AOPEP: variants seen among roughly 807,000 people sequenced by gnomAD.
AOPEP encodes the protein aminopeptidase O.
In AOPEP, 77 loss-of-function variants were observed where a neutral mutation model predicts 98.1. The ratio of observed to expected loss-of-function variants is 0.78; its 90% CI spans 0.65 to 0.95. The LOEUF (loss-of-function observed/expected upper bound fraction) is 0.95, where lower values mean the gene tolerates loss of function less well. Among genes scored for constraint, AOPEP ranks in the 40% least tolerant of loss-of-function variants. AOPEP has a pLI of 0.00. For synonymous variants in AOPEP, 346 were observed against 365.3 expected (o/e 0.95, Z 0.60); for missense variants, 1,024 against 1,024.7 (o/e 1.00, Z 0.01).
chr9:95,016,187 C>T (rs1411474322), intron 13 of AOPEP, among the ~76,000 whole-genome samples: 2 of 148,678 alleles, frequency 1.3e-5, no homozygotes, highest in African/African-American at 2.5e-5. Context: ...TAAAATGTTT[C>T]AGAATTGGGG....
intron 7 of AOPEP, among the ~76,000 whole-genome samples, chr9:94,937,251 G>A (rs2056409680): frequency 6.6e-6 from 1 of 152,224 alleles, no homozygotes; most frequent in Non-Finnish European, 1.5e-5. Context: ...TGAAGATCCA[G>A]AGGATTTTAG....
At chr9:94,927,420 C>T (rs996397213) in intron 6 of AOPEP, among the ~76,000 whole-genome samples, 1 of 152,232 alleles carries the variant, frequency 6.6e-6, no homozygotes, top group African/African-American at 2.4e-5. Context: ...CTTGCTCCCT[C>T]CCAGAATGGT....
Position 95,082,717 on chromosome 9 carries a change from G to T in AOPEP, c.*2G>T. 6.2e-7 allele frequency: 1 copy of T among 1,614,126 alleles called. No individual in the cohort carries two copies. Among genetic ancestry groups the T allele is most frequent in the Non-Finnish European group, 8.5e-7 (1 of 1,180,000 alleles). On this transcript the variant is annotated splice_region_variant and 3_prime_UTR_variant, in exon 16 of 17. Transcript: ENST00000375315. ...GTGGTGGCCGAAATGTTATTTTAAC[G>T]AGGTGATTCTCTCCCTTTCCTTTCT... is the stretch of plus-strand genomic sequence containing the variant.
At chr9:94,814,144 T>A (rs1166570374) in intron 5 of AOPEP, among the ~76,000 whole-genome samples, 1 of 152,218 alleles carries the variant, frequency 6.6e-6, no homozygotes. Context: ...ATTGTTAATA[T>A]AAGATTAATA....
chr9:95,101,597 C>T, the AOPEP span: 6 of 1,336,714 alleles, frequency 4.5e-6, no homozygotes, highest in South Asian at 1.2e-5. Context: ...ATTCTCACAG[C>T]CCAGCGAGGG....
intron 5 of AOPEP, among the ~76,000 whole-genome samples, chr9:94,901,521 G>A (rs1038630151): frequency 1.2e-4 from 18 of 151,846 alleles, no homozygotes; most frequent in Admixed American, 5.9e-4. Flanking sequence ...GAGTCCTTAG[G>A]ACTCCTCGCT....
intron 7 of AOPEP, among the ~76,000 whole-genome samples, chr9:94,939,771 A>G (rs1444510338): frequency 6.6e-6 from 1 of 152,198 alleles, no homozygotes. Context: ...CATTGGTTCC[A>G]GGACTGCCCC....
In AOPEP at chr9:94,922,946, C is replaced by T. The variant is rs10993399; in HGVS notation, c.1365-1040C>T. Reference sequence around the variant, plus strand: ...GCTGTGGGAGTGGAAGAAAAACCTGCGAGCAGTCTTGGCTTGTGCCGAGCC... The same window carrying T: ...GCTGTGGGAGTGGAAGAAAAACCTGTGAGCAGTCTTGGCTTGTGCCGAGCC... On this transcript the variant is annotated intron_variant, in intron 5 of 16. Coordinates refer to ENST00000375315, the MANE Select transcript of AOPEP (RefSeq NM_001193329.3). Among the ~76,000 whole-genome samples the T allele has an allele frequency of 4.0e-3, 614 of 152,288 alleles. 3 individuals are homozygous for T. Among genetic ancestry groups the T allele is most frequent in the Non-Finnish European group, 6.3e-3 (428 of 68,028 alleles).
At chr9:94,995,383 A>G (rs1179199260) in intron 11 of AOPEP, among the ~76,000 whole-genome samples, 2 of 152,092 alleles carry the variant, frequency 1.3e-5, no homozygotes, top group Non-Finnish European at 2.9e-5. Context: ...CCACAGCATT[A>G]TCTCTGTTTC....
chr9:95,107,958 C>T, the AOPEP span, among the ~76,000 whole-genome samples: 1 of 152,188 alleles, frequency 6.6e-6, no homozygotes, highest in African/African-American at 2.4e-5. Context: ...GATGTTTCTG[C>T]TTGCTACAAG....
chr9:94,955,907 G>T lies in AOPEP; in HGVS notation c.1765-1G>T. 6.2e-7 allele frequency: 1 copy of T among 1,605,604 alleles called. No individual in the cohort carries two copies. The highest frequency in any genetic ancestry group is 8.5e-7 in the Non-Finnish European group (1 of 1,175,332). ...TTCTCTCTCTTTTTTCTTTCTTCTA[G>T]GGCTACTTCCTTCTTCGGTTTCTTG... On this transcript the variant is annotated splice_acceptor_variant, in intron 8 of 16. Coordinates refer to ENST00000375315, the MANE Select transcript of AOPEP (RefSeq NM_001193329.3). LOFTEE classifies it high-confidence loss of function.
At chr9:95,005,936 GAA>G in intron 13 of AOPEP, 1 of 514,820 alleles carries the variant, frequency 1.9e-6, no homozygotes, top group South Asian at 1.7e-5. Context: ...TCTGAAAAAT[GAA>G]AAGTGTTCCG....
intron 1 of AOPEP, among the ~76,000 whole-genome samples, chr9:94,732,491 A>G (rs1830785109): frequency 6.6e-6 from 1 of 152,222 alleles, no homozygotes; most frequent in African/African-American, 2.4e-5. Context: ...AATCTAGTCT[A>G]TTTGATAGGG....
chr9:95,080,538 A>T (rs1487675842), intron 14 of AOPEP, among the ~76,000 whole-genome samples, 156 bp from the exon 15 acceptor site: 1 of 152,172 alleles, frequency 6.6e-6, no homozygotes, highest in Non-Finnish European at 1.5e-5. Flanking sequence ...AAGTAAAAAA[A>T]ATATACTAAA....
intron 5 of AOPEP, among the ~76,000 whole-genome samples, chr9:94,832,985 G>C (rs1260774309): frequency 6.6e-6 from 1 of 150,868 alleles, no homozygotes; most frequent in African/African-American, 2.4e-5. Context: ...CCAGGCGGGA[G>C]TGCAGTGGCA....
chr9:94,971,827 C>T (rs2059554319), intron 10 of AOPEP, among the ~76,000 whole-genome samples: 1 of 152,188 alleles, frequency 6.6e-6, no homozygotes. Context: ...AAAACAGAAA[C>T]AAGTCATTAT....
At chr9:94,766,943 G>A (rs1053022670) in intron 2 of AOPEP, among the ~76,000 whole-genome samples, 1 of 152,116 alleles carries the variant, frequency 6.6e-6, no homozygotes, top group East Asian at 1.9e-4. Context: ...TAGACTTTGG[G>A]AGTATTTTTA....
At chr9:94,809,533 G>T (rs1850002706) in intron 5 of AOPEP, among the ~76,000 whole-genome samples, 1 of 152,184 alleles carries the variant, frequency 6.6e-6, no homozygotes, top group African/African-American at 2.4e-5. Flanking sequence ...TCTGTCAGTG[G>T]TGAGTGAGGA....
At chr9:94,802,471 G>T (rs111475351) in intron 5 of AOPEP, among the ~76,000 whole-genome samples, 5 of 152,284 alleles carry the variant, frequency 3.3e-5, no homozygotes, top group African/African-American at 1.2e-4. Context: ...GAGTTGACCT[G>T]CAGGCAATTC....
Sources: allele counts gnomAD v4.1 joint callset (sites outside exome capture counted in the v4.1 genomes callset), GRCh38; gene constraint gnomAD v4.1.1; transcripts MANE v1.5; gene names NCBI Gene and HGNC (gene_info 2026-07-23, HGNC 2026-07-21).